TCF12: variants seen among roughly 807,000 people sequenced by gnomAD.
TCF12 encodes the protein transcription factor 12.
In TCF12, 45 loss-of-function variants were observed where a neutral mutation model predicts 86.0. The ratio of observed to expected loss-of-function variants is 0.52; its 90% confidence interval spans 0.41 to 0.67. The LOEUF is 0.67. TCF12 is among the 30% of genes least tolerant of loss of function. The pLI is 0.00. For synonymous variants in TCF12, 330 were observed against 299.6 expected, an observed-to-expected ratio of 1.10 and a Z score of -1.05; for missense variants, 881 against 859.9, an observed-to-expected ratio of 1.02 and a Z score of -0.31.
chr15:57,279,174 TG>T (rs1461294955), intron 19 of TCF12, among the ~76,000 whole-genome samples: 5 of 151,570 alleles, frequency 3.3e-5, no homozygotes, highest in African/African-American at 1.2e-4. Context: ...TTTAAATTTT[TG>T]TAGAGACAGG....
chr15:57,091,687 AC>A, intron 4 of TCF12, 101 bp from the exon 5 acceptor site: 1 of 661,464 alleles, frequency 1.5e-6, no homozygotes, highest in South Asian at 3.4e-5. Context: ...GTCAGAAATG[AC>A]CATGTGTAAG....
At chr15:57,193,985 G>A (rs1391637875) in intron 7 of TCF12, among the ~76,000 whole-genome samples, 3 of 152,130 alleles carry the variant, frequency 2.0e-5, no homozygotes, top group African/African-American at 7.2e-5. Flanking sequence ...AGTCAGAATA[G>A]GAACATTGAT....
At chr15:57,150,808 GAAA>G in intron 5 of TCF12, among the ~76,000 whole-genome samples, 1 of 151,800 alleles carries the variant, frequency 6.6e-6, no homozygotes, top group East Asian at 1.9e-4. Flanking sequence ...TGAATGCTAT[GAAA>G]AAAACGGAAT....
At chr15:57,200,138 C>A (rs2057467671) in intron 8 of TCF12, among the ~76,000 whole-genome samples, 1 of 151,360 alleles carries the variant, frequency 6.6e-6, no homozygotes, top group South Asian at 2.1e-4. Flanking sequence ...GCCACAGCCT[C>A]TCAAAGTGCT....
intron 13 of TCF12, 161 bp from the exon 14 acceptor site, chr15:57,251,189 A>T (rs1383808527): frequency 2.8e-5 from 13 of 471,672 alleles, no homozygotes; most frequent in East Asian, 3.4e-5. Context: ...AAGATTTTTT[A>T]AAATGTGTTG....
rs1415178106 is a variant in TCF12, at chr15:57,096,673, GA to G, written c.325+4789del. 1.1e-4 allele frequency among the ~76,000 whole-genome samples: 17 copies of G among 152,080 alleles called. No individual in the cohort carries two copies. In the East Asian group the frequency reaches 1.9e-3, roughly 17 times the overall value. On this transcript the variant is annotated intron_variant, in intron 5 of 20. Transcript: ENST00000333725. The stretch of plus-strand genomic sequence containing the variant: ...GGATTGTTTAGGGCATAATGACAAG[GA>G]AAAAAATGTCTGTATACATTCGGCA...
At chr15:57,274,440 G>A (rs1181816309) in intron 19 of TCF12, among the ~76,000 whole-genome samples, 4 of 152,182 alleles carry the variant, frequency 2.6e-5, no homozygotes, top group African/African-American at 9.7e-5. Context: ...TGAAATATCT[G>A]TGGAGTATAA....
chr15:56,957,407 TTC>T (rs1156523910), intron 3 of TCF12, among the ~76,000 whole-genome samples: 8 of 152,154 alleles, frequency 5.3e-5, no homozygotes, highest in African/African-American at 1.7e-4. Context: ...ATTTAAAAAA[TTC>T]TGTTTTCTCT....
Position 57,106,717 on chromosome 15 carries a change from G to A in TCF12, c.325+14826G>A, listed in dbSNP as rs550071868. The stretch of plus-strand genomic sequence containing the variant: ...AAAATATATAAAGAACTTCTAAAAT[G>A]TAACAAATAGAAAACTTGCACTGGG... On this transcript the variant is annotated intron_variant, in intron 5 of 20. Coordinates refer to ENST00000333725, the MANE Select transcript of TCF12 (RefSeq NM_207037.2). Among the ~76,000 whole-genome samples the A allele has an allele frequency of 9.2e-5, 14 of 152,292 alleles. No homozygotes were observed. In the South Asian group the frequency reaches 1.2e-3, roughly 14 times the overall value.
intron 11 of TCF12, among the ~76,000 whole-genome samples, chr15:57,233,582 A>T (rs1376015806): frequency 6.6e-6 from 1 of 152,048 alleles, no homozygotes; most frequent in African/African-American, 2.4e-5. Context: ...GGCTCAGGTG[A>T]TACCCCAGCT....
intron 19 of TCF12, among the ~76,000 whole-genome samples, chr15:57,278,069 C>T (rs1453842354): frequency 1.3e-5 from 2 of 152,066 alleles, no homozygotes; most frequent in Non-Finnish European, 2.9e-5. Flanking sequence ...CTAGCACAAA[C>T]GATCCTCCCA....
intron 3 of TCF12, among the ~76,000 whole-genome samples, chr15:57,023,415 C>G (rs2065617503): frequency 6.6e-6 from 1 of 152,102 alleles, no homozygotes; most frequent in South Asian, 2.1e-4. Flanking sequence ...CCTCCCCATT[C>G]TGCTTGAAAA....
chr15:57,075,924 C>G (rs1034357300), intron 4 of TCF12, among the ~76,000 whole-genome samples: 1 of 149,456 alleles, frequency 6.7e-6, no homozygotes, highest in Non-Finnish European at 1.5e-5. Flanking sequence ...AGTACAGTGA[C>G]ACGATCGTGG....
chr15:56,982,831 T>A (rs1483371150), intron 3 of TCF12, among the ~76,000 whole-genome samples: 1 of 152,228 alleles, frequency 6.6e-6, no homozygotes, highest in Non-Finnish European at 1.5e-5. Flanking sequence ...TCATTTATAG[T>A]CTGTCTTACC....
In TCF12 at chr15:57,139,956, C is replaced by A. The variant is rs184788846; in HGVS notation, c.326-26446C>A. Among the ~76,000 whole-genome samples the A allele has an allele frequency of 2.0e-4, 30 of 152,302 alleles. No individual in the cohort carries two copies. In the Middle Eastern group the frequency reaches 0.017, roughly 86 times the overall value. On this transcript the variant is annotated intron_variant, in intron 5 of 20. Transcript: ENST00000333725. ...AGTATAGTAGATGCCGTCTTTCCCACAGAAATCGGACAGGCACTTTGCCAT... is the reference window on the plus strand; with the variant it reads ...AGTATAGTAGATGCCGTCTTTCCCAAAGAAATCGGACAGGCACTTTGCCAT...
chr15:57,271,671 C>T (rs778962872), intron 18 of TCF12, among the ~76,000 whole-genome samples: 14 of 152,164 alleles, frequency 9.2e-5, no homozygotes, highest in African/African-American at 2.7e-4. Flanking sequence ...TCTTCTTCTT[C>T]GATCTCACTG....
chr15:57,021,070 G>A (rs1283550646), intron 3 of TCF12, among the ~76,000 whole-genome samples: 1 of 152,058 alleles, frequency 6.6e-6, no homozygotes, highest in African/African-American at 2.4e-5. Context: ...TCTTGAGAGT[G>A]GAAATTATCT....
chr15:57,217,048 G>GTA (rs2058361525), intron 8 of TCF12, among the ~76,000 whole-genome samples: 1 of 152,036 alleles, frequency 6.6e-6, no homozygotes, highest in Non-Finnish European at 1.5e-5. Flanking sequence ...AGGCAGTAGT[G>GTA]TATACCAAGT....
intron 2 of TCF12, 39 bp downstream of exon 2, chr15:56,920,027 G>C: frequency 2.5e-6 from 4 of 1,609,936 alleles, no homozygotes; most frequent in Non-Finnish European, 3.4e-6. Context: ...GTTCTGCTGA[G>C]GTTTTTGTTT....
Sources: allele counts gnomAD v4.1 joint callset (sites outside exome capture counted in the v4.1 genomes callset), GRCh38; gene constraint gnomAD v4.1.1; transcripts MANE v1.5; gene names NCBI Gene and HGNC (gene_info 2026-07-23, HGNC 2026-07-21).